Variants in ERAP1 observed in about 807,000 individuals in gnomAD.
ERAP1 encodes adipocyte-derived leucine aminopeptidase.
Under a neutral mutation model 103.7 loss-of-function variants are expected in ERAP1, and 86 were observed. The observed-to-expected ratio is 0.83, with a 90% CI of 0.70 to 0.99. ERAP1 has a LOEUF of 0.99. Among genes scored for constraint, ERAP1 ranks in the 50% least tolerant of loss-of-function variants. ERAP1 has a pLI of 0.00. For missense variants in ERAP1, 1,009 were observed against 1,128.4 expected, an observed-to-expected ratio of 0.89 and a Z score of 1.52; for synonymous variants, 398 against 402.4, an observed-to-expected ratio of 0.99 and a Z score of 0.13.
At chr5:96,914,709 T>C in the ERAP1 span, among the ~76,000 whole-genome samples, 1 of 152,206 alleles carries the variant, frequency 6.6e-6, no homozygotes, top group African/African-American at 2.4e-5. Context: ...AAGTTTTCCA[T>C]ATATAAAACA....
chr5:96,928,281 G>A, the ERAP1 span, among the ~76,000 whole-genome samples: 1 of 152,164 alleles, frequency 6.6e-6, no homozygotes, highest in African/African-American at 2.4e-5. Flanking sequence ...GTTATGAGTT[G>A]AATAGTGTCC....
At chr5:96,884,672 C>T in the ERAP1 span, among the ~76,000 whole-genome samples, 503 of 152,266 alleles carry the variant, frequency 3.3e-3, 2 homozygotes, top group Middle Eastern at 0.017. Flanking sequence ...ATTCTCCTCC[C>T]TCAGCCTCCC....
chr5:96,884,050 CT>C, the ERAP1 span: 1 of 549,080 alleles, frequency 1.8e-6, no homozygotes, highest in Non-Finnish European at 3.1e-6. Flanking sequence ...ATCTATCTAT[CT>C]ATCTATCTAT....
intron 3 of ERAP1, among the ~76,000 whole-genome samples, chr5:96,798,904 G>A (rs1777668777): frequency 8.4e-6 from 1 of 119,582 alleles, no homozygotes; most frequent in African/African-American, 3.2e-5. Flanking sequence ...GTCTCACTCT[G>A]TCACCCAGGC....
chr5:96,889,384 T>C, the ERAP1 span: 11 of 1,512,666 alleles, frequency 7.3e-6, no homozygotes, highest in South Asian at 3.4e-5. Context: ...TCTCTTTCTA[T>C]GTGATTTAAA....
chr5:96,922,958 ATGTTTTT>A, the ERAP1 span, among the ~76,000 whole-genome samples: 74,604 of 149,620 alleles, frequency 0.5, 18,767 homozygotes, highest in African/African-American at 0.57. Flanking sequence ...CACTATTTGG[ATGTTTTT>A]TGTTTTTTGT....
the ERAP1 span, among the ~76,000 whole-genome samples, chr5:96,910,622 C>G: frequency 6.6e-6 from 1 of 152,120 alleles, no homozygotes; most frequent in Non-Finnish European, 1.5e-5. Flanking sequence ...ATAATCTTAA[C>G]CTGCAGTAAC....
At chr5:96,766,031 T>C (rs751195105) in intron 19 of ERAP1, 2 of 1,293,984 alleles carry the variant, frequency 1.5e-6, no homozygotes, top group Admixed American at 3.6e-5. Context: ...ATATTAATTC[T>C]ATCTGCTCAC....
chr5:96,900,176 T>C, the ERAP1 span: 7 of 1,613,772 alleles, frequency 4.3e-6, no homozygotes, highest in South Asian at 6.6e-5. Context: ...GATCCCAAGA[T>C]GACAAGTAAC....
downstream of ERAP1, chr5:96,773,955 A>C (rs957127691): frequency 2.6e-5 from 4 of 152,058 alleles, no homozygotes; most frequent in Non-Finnish European, 4.4e-5. Flanking sequence ...CATCTTGTTA[A>C]CCTCCCCCCC....
At chr5:96,844,363 A>T in the ERAP1 span, among the ~76,000 whole-genome samples, 1 of 152,108 alleles carries the variant, frequency 6.6e-6, no homozygotes, top group Non-Finnish European at 1.5e-5. Context: ...TGAGTAGTGT[A>T]ACTCTCTCTT....
At chr5:96,895,718 A>G in the ERAP1 span, among the ~76,000 whole-genome samples, 36 of 152,308 alleles carry the variant, frequency 2.4e-4, no homozygotes, top group Admixed American at 1.8e-3. Context: ...CCTGAAATCA[A>G]CATCATTGGG....
At chr5:96,806,907 C>T (rs58725060) in intron 1 of ERAP1, among the ~76,000 whole-genome samples, 4,960 of 149,876 alleles carry the variant, frequency 0.033, 265 homozygotes, top group African/African-American at 0.11. Flanking sequence ...AAATGTGCTA[C>T]TTATACTAAT....
intron 14 of ERAP1, 58 bp downstream of exon 14, chr5:96,783,864 CAA>C: frequency 1.6e-6 from 2 of 1,227,642 alleles, no homozygotes; most frequent in Non-Finnish European, 2.2e-6. Flanking sequence ...CATACACACA[CAA>C]TGATTAACAC....
the ERAP1 span, chr5:96,912,686 A>C: frequency 6.2e-7 from 1 of 1,611,046 alleles, no homozygotes; most frequent in Non-Finnish European, 8.5e-7. Context: ...TGCTCAGACA[A>C]CAGCAGGATG....
the ERAP1 span, among the ~76,000 whole-genome samples, chr5:96,821,301 A>G: frequency 1.3e-5 from 2 of 152,236 alleles, no homozygotes; most frequent in African/African-American, 4.8e-5. Flanking sequence ...TTGACCAAAC[A>G]TGTGGGTGCC....
chr5:96,850,468 G>A, the ERAP1 span, among the ~76,000 whole-genome samples: 4 of 151,928 alleles, frequency 2.6e-5, no homozygotes, highest in Admixed American at 2.6e-4. Flanking sequence ...CAAAGAAAAG[G>A]CCAACAGATA....
chr5:96,785,444 G>A, intron 13 of ERAP1: 1 of 360,490 alleles, frequency 2.8e-6, no homozygotes, highest in Non-Finnish European at 5.4e-6. Flanking sequence ...ACCTGATCCG[G>A]TATAGCGGGG....
the ERAP1 span, among the ~76,000 whole-genome samples, chr5:96,856,349 A>AAAAAAAAT: frequency 1.2e-4 from 1 of 8,538 alleles, no homozygotes; most frequent in East Asian, 4.9e-3. Context: ...AAAAAAAAAA[A>AAAAAAAAT]ATATATATAT....
Sources: allele counts gnomAD v4.1 joint callset (sites outside exome capture counted in the v4.1 genomes callset), GRCh38; gene constraint gnomAD v4.1.1; transcripts MANE v1.5; gene names NCBI Gene and HGNC (gene_info 2026-07-23, HGNC 2026-07-21).